Variants in PTPRD observed in about 807,000 individuals in gnomAD.
PTPRD encodes the protein receptor-type tyrosine-protein phosphatase delta.
PTPRD carries 34 observed loss-of-function variants against 214.5 expected under a neutral mutation model. The ratio of observed to expected loss-of-function variants is 0.16; its 90% CI spans 0.12 to 0.21. The LOEUF (loss-of-function observed/expected upper bound fraction) is 0.21. PTPRD is among the 10% of genes least tolerant of loss of function. PTPRD has a pLI of 1.00. For synonymous variants in PTPRD, 1,128 were observed against 845.7 expected (o/e 1.33, Z -5.79); for missense variants, 2,545 against 2,398.7 (o/e 1.06, Z -1.27).
intron 7 of PTPRD, among the ~76,000 whole-genome samples, chr9:9,632,821 G>T (rs1006149109): frequency 1.3e-5 from 2 of 152,138 alleles, no homozygotes; most frequent in African/African-American, 4.8e-5. Context: ...AACTAAGAAT[G>T]GTTTGGAAGA....
intron 10 of PTPRD, among the ~76,000 whole-genome samples, chr9:9,077,498 A>G (rs1400611328): frequency 6.6e-6 from 1 of 152,060 alleles, no homozygotes; most frequent in African/African-American, 2.4e-5. Context: ...TGGTTGGTTC[A>G]TCTGGATTAA....
chr9:10,602,135 T>G (rs922270044), intron 2 of PTPRD, among the ~76,000 whole-genome samples: 1 of 151,812 alleles, frequency 6.6e-6, no homozygotes, highest in Non-Finnish European at 1.5e-5. Flanking sequence ...AAACGCAATT[T>G]TGTATATGTG....
intron 10 of PTPRD, among the ~76,000 whole-genome samples, chr9:9,077,787 T>A (rs1158870928): frequency 6.6e-6 from 1 of 152,046 alleles, no homozygotes; most frequent in Admixed American, 6.6e-5. Flanking sequence ...ACATGGAACA[T>A]TTCCTTGGAA....
intron 4 of PTPRD, among the ~76,000 whole-genome samples, chr9:10,031,680 A>C (rs2154132178): frequency 6.9e-6 from 1 of 144,084 alleles, no homozygotes; most frequent in African/African-American, 2.7e-5. Context: ...ACACACACAC[A>C]CATATCCTAT....
chr9:10,097,167 A>AGTGTG (rs1407846691), intron 3 of PTPRD, among the ~76,000 whole-genome samples: 19 of 141,952 alleles, frequency 1.3e-4, no homozygotes, highest in South Asian at 2.5e-4. Context: ...GAAGTCAGGT[A>AGTGTG]ACAGGATGCC....
At chr9:10,471,450 T>A (rs1158305734) in intron 2 of PTPRD, among the ~76,000 whole-genome samples, 1 of 152,124 alleles carries the variant, frequency 6.6e-6, no homozygotes, top group East Asian at 1.9e-4. Context: ...GACTCTGTAG[T>A]TTAATTGTTT....
intron 9 of PTPRD, among the ~76,000 whole-genome samples, chr9:9,376,213 T>C (rs2060758584): frequency 6.6e-6 from 1 of 152,164 alleles, no homozygotes; most frequent in South Asian, 2.1e-4. Context: ...AAAATCATTT[T>C]TCTACTATAA....
At chr9:10,181,559 C>T (rs537317943) in intron 3 of PTPRD, among the ~76,000 whole-genome samples, 4 of 151,618 alleles carry the variant, frequency 2.6e-5, no homozygotes, top group Non-Finnish European at 5.9e-5. Flanking sequence ...TAAAGATCAT[C>T]AGTTGGTAAA....
intron 5 of PTPRD, among the ~76,000 whole-genome samples, chr9:9,769,633 G>C (rs2098735989): frequency 6.6e-6 from 1 of 151,876 alleles, no homozygotes; most frequent in African/African-American, 2.4e-5. Flanking sequence ...GCCACCAGAA[G>C]CCCTTTTATA....
At chr9:9,360,429 A>C (rs938490206) in intron 9 of PTPRD, among the ~76,000 whole-genome samples, 1 of 151,222 alleles carries the variant, frequency 6.6e-6, no homozygotes, top group Non-Finnish European at 1.5e-5. Flanking sequence ...TTTTAAGCAA[A>C]TTTATACTAA....
chr9:9,213,754 AC>A (rs2099950358), intron 9 of PTPRD, among the ~76,000 whole-genome samples: 2 of 152,178 alleles, frequency 1.3e-5, no homozygotes, highest in African/African-American at 4.8e-5. Flanking sequence ...GCTAAAGGAC[AC>A]TAAAGAAGAG....
At chr9:10,273,267 G>C (rs1193110329) in intron 3 of PTPRD, among the ~76,000 whole-genome samples, 1 of 152,060 alleles carries the variant, frequency 6.6e-6, no homozygotes, top group Non-Finnish European at 1.5e-5. Context: ...TCAGTTTATA[G>C]ATCTCTGATT....
intron 7 of PTPRD, among the ~76,000 whole-genome samples, chr9:9,718,072 C>G (rs923261967): frequency 1.3e-5 from 2 of 152,142 alleles, no homozygotes; most frequent in African/African-American, 4.8e-5. Context: ...TAAACGAATT[C>G]TGCTCTTTTC....
In PTPRD at chr9:10,163,578, T is replaced by C. The variant is rs369208145; in HGVS notation, c.-544-129788A>G. Among the ~76,000 whole-genome samples, 67 of 151,578 alleles carry C rather than the reference T, an allele frequency of 4.4e-4. 3 individuals carry two copies. The South Asian group carries it at 0.013, about 30-fold the overall frequency. ...ATCTCATAATTCATTTCCAAATTCA[T>C]GCTATCAGTTTATTTTCTATATATA... On this transcript the variant is annotated intron_variant, in intron 3 of 45. Transcript: ENST00000381196.
At chr9:9,390,794 G>T (rs72700848) in intron 9 of PTPRD, among the ~76,000 whole-genome samples, 1 of 152,072 alleles carries the variant, frequency 6.6e-6, no homozygotes, top group Non-Finnish European at 1.5e-5. Context: ...GACTTTGAAA[G>T]AGTTATTAAT....
At chr9:10,309,628 G>T (rs1216818834) in intron 3 of PTPRD, among the ~76,000 whole-genome samples, 1 of 151,340 alleles carries the variant, frequency 6.6e-6, no homozygotes, top group East Asian at 1.9e-4. Flanking sequence ...GCCTACCAAA[G>T]TGCTGGGATT....
At chr9:8,543,645 T>C (rs2079062387) in intron 14 of PTPRD, among the ~76,000 whole-genome samples, 1 of 152,232 alleles carries the variant, frequency 6.6e-6, no homozygotes, top group Non-Finnish European at 1.5e-5. Context: ...GTTGTCATTT[T>C]TCCGGAATTA....
chr9:9,129,853 G>A (rs1474092194), intron 10 of PTPRD, among the ~76,000 whole-genome samples: 1 of 152,124 alleles, frequency 6.6e-6, no homozygotes, highest in Non-Finnish European at 1.5e-5. Flanking sequence ...ATAGTATTGA[G>A]GAGTACAGAC....
chr9:8,620,669 G>T (rs183060757), intron 14 of PTPRD, among the ~76,000 whole-genome samples: 1 of 151,998 alleles, frequency 6.6e-6, no homozygotes, highest in African/African-American at 2.4e-5. Flanking sequence ...TGTTACAGGA[G>T]AGAGCAGTGG....
Sources: allele counts gnomAD v4.1 joint callset (sites outside exome capture counted in the v4.1 genomes callset), GRCh38; gene constraint gnomAD v4.1.1; transcripts MANE v1.5; gene names NCBI Gene and HGNC (gene_info 2026-07-23, HGNC 2026-07-21).